The following KMT2C variants were observed in gnomAD, a reference collection of about 807,000 sequenced individuals.
The protein encoded by KMT2C is lysine methyltransferase 2C, also known as histone-lysine N-methyltransferase 2C.
Under a neutral mutation model 507.9 loss-of-function variants are expected in KMT2C, and 88 were observed. The ratio of observed to expected loss-of-function variants is 0.17; its 90% CI spans 0.15 to 0.21. The LOEUF (loss-of-function observed/expected upper bound fraction) is 0.21, where lower values mean the gene tolerates loss of function less well. Ranked by LOEUF, KMT2C falls within the 10% of genes least tolerant of loss-of-function variation. KMT2C has a pLI of 1.00. For synonymous variants in KMT2C, 2,049 were observed against 2,080.8 expected (o/e 0.98, Z 0.42); for missense variants, 4,954 against 5,957.8 (o/e 0.83, Z 5.55).
At chr7:152,219,529 T>G (rs2094699091) in intron 23 of KMT2C, among the ~76,000 whole-genome samples, 1 of 151,802 alleles carries the variant, frequency 6.6e-6, no homozygotes, top group African/African-American at 2.4e-5. Context: ...AAGGATCACT[T>G]GAGCCCAGGA....
At chr7:152,296,198 G>C (rs2096493538) in intron 6 of KMT2C, among the ~76,000 whole-genome samples, 1 of 151,910 alleles carries the variant, frequency 6.6e-6, no homozygotes, top group African/African-American at 2.4e-5. Context: ...GGAGGCTGAG[G>C]CGGGCGGGTC....
At chr7:152,293,590 A>G (rs889773077) in intron 6 of KMT2C, among the ~76,000 whole-genome samples, 2 of 152,110 alleles carry the variant, frequency 1.3e-5, no homozygotes, top group Non-Finnish European at 2.9e-5. Flanking sequence ...CCCCTCCCCT[A>G]AACTTTACAT....
chr7:152,395,133 T>C (rs1315906352), intron 1 of KMT2C, among the ~76,000 whole-genome samples: 3 of 152,148 alleles, frequency 2.0e-5, no homozygotes, highest in Non-Finnish European at 4.4e-5. Flanking sequence ...GGTACATGTA[T>C]AATCCCACTT....
At chr7:152,430,835 T>C (rs1168194894) in intron 1 of KMT2C, among the ~76,000 whole-genome samples, 1 of 152,170 alleles carries the variant, frequency 6.6e-6, no homozygotes, top group Non-Finnish European at 1.5e-5. Context: ...CACCCATCCT[T>C]AATGTCCTTT....
chr7:152,421,441 A>G (rs1342806624), intron 1 of KMT2C, among the ~76,000 whole-genome samples: 1 of 152,204 alleles, frequency 6.6e-6, no homozygotes, highest in East Asian at 1.9e-4. Flanking sequence ...ACACATACAC[A>G]TATGTTCATC....
chr7:152,361,230 T>C (rs115432359), intron 1 of KMT2C, among the ~76,000 whole-genome samples: 1,809 of 152,224 alleles, frequency 0.012, 41 homozygotes, highest in African/African-American at 0.042. Flanking sequence ...TTATTGTTCA[T>C]GGACAAAAAG....
intron 6 of KMT2C, among the ~76,000 whole-genome samples, chr7:152,301,177 C>A (rs2096564017): frequency 6.9e-6 from 1 of 144,096 alleles, no homozygotes; most frequent in Non-Finnish European, 1.5e-5. Context: ...ACCTGGAAAA[C>A]AGAGCAAGAC....
In KMT2C at chr7:152,215,688, T is replaced by TATATACAC. The variant is rs766518165; in HGVS notation, c.3712+4834_3712+4835insGTGTATAT. ...ACAAAAGGAACAAAATATATATATATACACACACACATACACACACAAAAT... is the reference window on the plus strand; with the variant it reads ...ACAAAAGGAACAAAATATATATATATATATACACACACACACACATACACACACAAAAT... On this transcript the variant is annotated intron_variant, in intron 23 of 58. Transcript: ENST00000262189. Among the ~76,000 whole-genome samples the TATATACAC allele has an allele frequency of 2.7e-3, 365 of 134,492 alleles. 5 individuals are homozygous for TATATACAC. Among genetic ancestry groups the TATATACAC allele is most frequent in the Non-Finnish European group, 3.7e-3 (248 of 66,478 alleles). 88.2% of individuals were successfully genotyped at this position (134,492 alleles called of 152,430 possible). A position where few individuals can be genotyped will look rare whatever the true frequency, so the allele number is the denominator to read the frequency against.
At chr7:152,313,262 A>T (rs556596334) in intron 4 of KMT2C, among the ~76,000 whole-genome samples, 1 of 152,212 alleles carries the variant, frequency 6.6e-6, no homozygotes, top group South Asian at 2.1e-4. Context: ...CCAACAGTTC[A>T]TCTATAACTA....
At chr7:152,411,252 C>A (rs2097680186) in intron 1 of KMT2C, among the ~76,000 whole-genome samples, 1 of 151,872 alleles carries the variant, frequency 6.6e-6, no homozygotes, top group Non-Finnish European at 1.5e-5. Flanking sequence ...GGGTTCTGGC[C>A]TTTTGTTGTG....
In KMT2C at chr7:152,135,520, T is replaced by C. The variant is rs950819337; in HGVS notation, c.*1312A>G. On this transcript the variant is annotated 3_prime_UTR_variant, in exon 59 of 59. Coordinates refer to ENST00000262189, the MANE Select transcript of KMT2C (RefSeq NM_170606.3). Reference sequence around the variant, plus strand: ...AGCATAATCACATCTCCTTTTTTTTTTTAACTTTTTCAAATTTTTGTGTTA... The same window carrying C: ...AGCATAATCACATCTCCTTTTTTTTCTTAACTTTTTCAAATTTTTGTGTTA... The C allele has an allele frequency of 1.3e-5, 3 of 224,634 alleles. No individual in the cohort carries two copies. Among genetic ancestry groups the C allele is most frequent in the African/African-American group, 6.7e-5 (3 of 44,870 alleles). 13.9% of individuals were successfully genotyped at this position (224,634 alleles called of 1,614,324 possible).
intron 3 of KMT2C, among the ~76,000 whole-genome samples, chr7:152,323,912 A>C (rs887567267): frequency 1.3e-5 from 2 of 151,676 alleles, no homozygotes; most frequent in Admixed American, 1.3e-4. Flanking sequence ...ATATCATGCT[A>C]AGTGAAATAA....
At chr7:152,256,639 C>T (rs997438883) in intron 9 of KMT2C, among the ~76,000 whole-genome samples, 1 of 152,106 alleles carries the variant, frequency 6.6e-6, no homozygotes. Context: ...AAGCTTACAT[C>T]CCTAACTTAT....
chr7:152,320,275 G>T (rs1428859259), intron 3 of KMT2C, among the ~76,000 whole-genome samples: 1 of 152,028 alleles, frequency 6.6e-6, no homozygotes, highest in South Asian at 2.1e-4. Flanking sequence ...TTGAGATGGA[G>T]TCTCACTCCG....
chr7:152,164,030 G>A (rs539143260), intron 42 of KMT2C, among the ~76,000 whole-genome samples: 11 of 152,012 alleles, frequency 7.2e-5, no homozygotes, highest in Admixed American at 5.9e-4. Flanking sequence ...TTTAACAACA[G>A]GATTTTTATA....
intron 53 of KMT2C, among the ~76,000 whole-genome samples, chr7:152,146,137 A>G (rs2091076040): frequency 6.6e-6 from 1 of 152,212 alleles, no homozygotes; most frequent in Non-Finnish European, 1.5e-5. Flanking sequence ...TAAGCAAAGA[A>G]ATGTCAAGAG....
intron 53 of KMT2C, among the ~76,000 whole-genome samples, 186 bp from the exon 54 acceptor site, chr7:152,145,481 A>T (rs1336709791): frequency 1.3e-5 from 2 of 152,224 alleles, no homozygotes; most frequent in African/African-American, 4.8e-5. Context: ...ATGAGTATGC[A>T]AATTCAGTTT....
chr7:152,176,116 T>G, intron 38 of KMT2C, 75 bp downstream of exon 38: 1 of 1,320,090 alleles, frequency 7.6e-7, no homozygotes, highest in South Asian at 1.5e-5. Flanking sequence ...ATTCTAATAA[T>G]AAAATCTTAT....
At chr7:152,232,043 C>T (rs948229651) in intron 16 of KMT2C, among the ~76,000 whole-genome samples, 9 of 151,936 alleles carry the variant, frequency 5.9e-5, no homozygotes, top group Admixed American at 4.6e-4. Flanking sequence ...CCATGCCTGG[C>T]TAATTTTTTG....
Sources: allele counts gnomAD v4.1 joint callset (sites outside exome capture counted in the v4.1 genomes callset), GRCh38; gene constraint gnomAD v4.1.1; transcripts MANE v1.5; gene names NCBI Gene and HGNC (gene_info 2026-07-23, HGNC 2026-07-21).